The following SIN3B variants were observed in gnomAD, a reference collection of about 807,000 sequenced individuals.
SIN3B encodes the protein paired amphipathic helix protein Sin3b.
A neutral mutation model predicts 120.2 loss-of-function variants in SIN3B; 19 were observed. The observed-to-expected ratio is 0.16, with a 90% CI of 0.11 to 0.23. SIN3B has a LOEUF of 0.23. Among genes scored for constraint, SIN3B ranks in the 10% least tolerant of loss-of-function variants. The pLI, the probability that SIN3B is intolerant of heterozygous loss-of-function variation, is 1.00. For synonymous variants in SIN3B, 654 were observed against 653.2 expected (o/e 1.00, Z -0.02); for missense variants, 1,073 against 1,573.0 (o/e 0.68, Z 5.38).
Position 16,879,106 on chromosome 19 carries a change from A to G in SIN3B, c.*379A>G. ...AAAGTCACAGGTGACAGCCCTCCTG[A>G]GGCCCACACTTTGGAGGGGGTCCAT... On this transcript the variant is annotated 3_prime_UTR_variant, in exon 19 of 19. Coordinates refer to ENST00000248054, the MANE Select transcript of SIN3B (RefSeq NM_001297595.2). 1 of 259,306 alleles carries G rather than the reference A, an allele frequency of 3.9e-6. No individual in the cohort carries two copies. Among genetic ancestry groups the G allele is most frequent in the South Asian group, 7.5e-5 (1 of 13,342 alleles). The allele number at this position is 259,306 out of a possible 1,614,324, so 16.1% of individuals were successfully genotyped here.
At chr19:16,840,498 G>A (rs1295276627) in intron 3 of SIN3B, among the ~76,000 whole-genome samples, 3 of 152,180 alleles carry the variant, frequency 2.0e-5, no homozygotes, top group African/African-American at 7.2e-5. Context: ...GCCAGTCTGG[G>A]GTACCTCGTT....
chr19:16,860,768 A>ATT (rs1259548282), intron 8 of SIN3B, among the ~76,000 whole-genome samples: 1 of 148,084 alleles, frequency 6.8e-6, no homozygotes, highest in East Asian at 2.0e-4. Context: ...CGCCCAGCTA[A>ATT]TTTTTTTTTT....
chr19:16,878,194 A>T lies in SIN3B; in HGVS notation c.2966A>T (p.Lys989Met). The stretch of plus-strand genomic sequence containing the variant: ...CCTTTCGCCCCCAGGAACCTCAAGA[A>T]GTTCCGCCGCCGGTGGCAGAGCGAG... The part of the protein sequence containing the change: ...KPVFLQRNLK[K>M]FRRRWQSEQA... Residue 989 changes from lysine to methionine, a missense_variant, in exon 18 of 19, where the codon AAG becomes ATG. Lys to Met is a moderately conservative substitution (Grantham distance 95). Transcript: ENST00000248054. The T allele has an allele frequency of 6.4e-7, 1 of 1,574,272 alleles. No homozygotes were observed. Among genetic ancestry groups the T allele is most frequent in the Non-Finnish European group, 8.6e-7 (1 of 1,157,684 alleles).
intron 3 of SIN3B, among the ~76,000 whole-genome samples, chr19:16,832,984 G>A (rs973392010): frequency 5.3e-5 from 8 of 152,206 alleles, no homozygotes; most frequent in African/African-American, 1.7e-4. Flanking sequence ...GCATTGTGGG[G>A]TGTTTAGCAG....
intron 3 of SIN3B, among the ~76,000 whole-genome samples, chr19:16,836,856 A>C (rs1971354997): frequency 6.6e-6 from 1 of 152,206 alleles, no homozygotes; most frequent in African/African-American, 2.4e-5. Context: ...CTCTGGGGGA[A>C]GTCCCGCTAG....
intron 4 of SIN3B, among the ~76,000 whole-genome samples, chr19:16,845,488 G>A (rs913655121): frequency 6.6e-6 from 1 of 152,162 alleles, no homozygotes; most frequent in Admixed American, 6.5e-5. Flanking sequence ...GGCTAGGCTG[G>A]TCTTGAACTC....
At chr19:16,843,501 T>C (rs1971443862) in intron 4 of SIN3B, among the ~76,000 whole-genome samples, 2 of 152,236 alleles carry the variant, frequency 1.3e-5, no homozygotes, top group Admixed American at 1.3e-4. Context: ...CAGTGGCTGC[T>C]GTGAGCATCT....
rs78550013 is a variant in SIN3B, at chr19:16,876,281, C to T, written c.2766+53C>T. 3.4e-4 allele frequency: 535 copies of T among 1,565,184 alleles called. 1 individual carries two copies. Among genetic ancestry groups the T allele is most frequent in the South Asian group, 3.1e-3 (261 of 85,346 alleles). On this transcript the variant is annotated intron_variant, in intron 15 of 18. Transcript: ENST00000248054. The surrounding 1 kb of genome is among the most constrained non-coding windows in gnomAD (Gnocchi z 7.1). ...CGCCGGGAGGCCCGGCCGCTCACTC[C>T]GCTCTGGACTCAGTCCTGGGTGGAC...
chr19:16,843,449 T>C lies in SIN3B; in HGVS notation c.582+1481T>C, dbSNP rs542657387. 2.6e-5 allele frequency among the ~76,000 whole-genome samples: 4 copies of C among 152,370 alleles called. No individual in the cohort carries two copies. In the South Asian group the frequency reaches 6.2e-4, roughly 24 times the overall value. ...GGCCTTAGCATCTGTGAGAGGCTGG[T>C]ACAGCCCTAAGAACGCTTGTTTGTC... On this transcript the variant is annotated intron_variant, in intron 4 of 18. Transcript: ENST00000248054.
Position 16,841,763 on chromosome 19 carries a change from G to C in SIN3B, c.382-5G>C. On this transcript the variant is annotated splice_polypyrimidine_tract_variant and splice_region_variant and intron_variant, in intron 3 of 18. Transcript: ENST00000248054. ...CCTGGCAGTAACTCATTGTCGCCTT[G>C]TCAGGAGAATTCGCACAACCACGGG... The C allele has an allele frequency of 1.2e-6, 2 of 1,613,476 alleles. No homozygotes were observed. The highest frequency in any genetic ancestry group is 1.7e-6 in the Non-Finnish European group (2 of 1,179,656).
At chr19:16,845,817 G>T (rs1008657791) in intron 4 of SIN3B, among the ~76,000 whole-genome samples, 5 of 152,198 alleles carry the variant, frequency 3.3e-5, no homozygotes, top group African/African-American at 9.6e-5. Context: ...GAGCTCCTGG[G>T]CTCAAGCAAT....
chr19:16,860,408 T>G (rs34788440), intron 8 of SIN3B, among the ~76,000 whole-genome samples: 9 of 152,100 alleles, frequency 5.9e-5, no homozygotes, highest in African/African-American at 2.2e-4. Flanking sequence ...GCAGCTTTTT[T>G]GTTGGTCTCT....
chr19:16,855,520 A>T (rs1568419030), intron 8 of SIN3B: 2 of 151,946 alleles, frequency 1.3e-5, no homozygotes, highest in Non-Finnish European at 2.9e-5. Context: ...CAGGAGTTGG[A>T]GACAAGCCTG....
chr19:16,834,160 A>G (rs1453418248), intron 3 of SIN3B, among the ~76,000 whole-genome samples: 1 of 152,188 alleles, frequency 6.6e-6, no homozygotes, highest in Non-Finnish European at 1.5e-5. Context: ...CCTTAGCAAG[A>G]CTGATCTCCA....
At chr19:16,866,121 A>G (rs978452367) in intron 11 of SIN3B, among the ~76,000 whole-genome samples, 7 of 152,184 alleles carry the variant, frequency 4.6e-5, no homozygotes, top group Admixed American at 1.3e-4. Flanking sequence ...GGTTGAGCCA[A>G]CAGCCATGCG....
chr19:16,847,871 C>T (rs1412402959), intron 5 of SIN3B, among the ~76,000 whole-genome samples: 1 of 152,206 alleles, frequency 6.6e-6, no homozygotes, highest in Non-Finnish European at 1.5e-5. Context: ...TTTCATCCCC[C>T]TGAAAGGAGA....
chr19:16,870,597 G>T (rs1230546985), intron 13 of SIN3B, among the ~76,000 whole-genome samples: 1 of 151,874 alleles, frequency 6.6e-6, no homozygotes, highest in African/African-American at 2.4e-5. Context: ...CTATTGCCCA[G>T]CCTGGAGCAC....
At chr19:16,870,314 T>G (rs2051493464) in intron 13 of SIN3B, among the ~76,000 whole-genome samples, 1 of 152,008 alleles carries the variant, frequency 6.6e-6, no homozygotes, top group African/African-American at 2.4e-5. Context: ...CTCTCCTGAC[T>G]GGGGAACATT....
chr19:16,859,622 G>A (rs1285516073), intron 8 of SIN3B, among the ~76,000 whole-genome samples: 1 of 152,096 alleles, frequency 6.6e-6, no homozygotes, highest in Non-Finnish European at 1.5e-5. Context: ...GTCTGTAAAC[G>A]CCCTGAAGAA....
Sources: allele counts gnomAD v4.1 joint callset (sites outside exome capture counted in the v4.1 genomes callset), GRCh38; gene constraint gnomAD v4.1.1; non-coding constraint Gnocchi (gnomAD v3.1); transcripts MANE v1.5; gene names NCBI Gene and HGNC (gene_info 2026-07-23, HGNC 2026-07-21).